The following SMYD3 variants were observed in gnomAD, a reference collection of about 807,000 sequenced individuals.
The protein encoded by SMYD3 is SET and MYND domain containing 3, also known as histone-lysine N-methyltransferase SMYD3.
A neutral mutation model predicts 57.7 loss-of-function variants in SMYD3; 36 were observed. That is an observed-to-expected ratio of 0.62 (90% CI 0.48 to 0.82). The LOEUF is 0.82. Among genes scored for constraint, SMYD3 ranks in the 40% least tolerant of loss-of-function variants. The pLI is 0.00. For missense variants in SMYD3, 515 were observed against 538.8 expected, an observed-to-expected ratio of 0.96 and a Z score of 0.44; for synonymous variants, 211 against 195.0, an observed-to-expected ratio of 1.08 and a Z score of -0.68.
At chr1:245,973,288 T>C (rs543300728) in intron 5 of SMYD3, among the ~76,000 whole-genome samples, 2 of 152,354 alleles carry the variant, frequency 1.3e-5, no homozygotes, top group Admixed American at 6.5e-5. Context: ...TTTGAGGTTA[T>C]AGCAGGAAAG....
At chr1:246,123,939 C>T (rs1436566463) in intron 5 of SMYD3, among the ~76,000 whole-genome samples, 9 of 152,162 alleles carry the variant, frequency 5.9e-5, no homozygotes. Flanking sequence ...ACGCCTCTTA[C>T]AAGTCATGTC....
At chr1:245,814,487 A>G in intron 10 of SMYD3, 1 of 731,664 alleles carries the variant, frequency 1.4e-6, no homozygotes, top group Non-Finnish European at 1.7e-6. Context: ...AAAGAATGCT[A>G]CTGTTACACC....
intron 1 of SMYD3, among the ~76,000 whole-genome samples, chr1:246,418,932 C>T (rs889696642): frequency 1.3e-5 from 2 of 152,146 alleles, no homozygotes; most frequent in African/African-American, 2.4e-5. Context: ...CTGAAAATAG[C>T]CAGTTCCTGC....
At chr1:246,333,711 A>G (rs2065497125) in intron 3 of SMYD3, among the ~76,000 whole-genome samples, 1 of 147,086 alleles carries the variant, frequency 6.8e-6, no homozygotes, top group Non-Finnish European at 1.5e-5. Context: ...TCGTCTTTCC[A>G]AAAAAAAAAG....
chr1:246,506,978 G>GCCCCCCCCCCCCCCCCCCCCCC, intron 1 of SMYD3, 76 bp downstream of exon 1: 6 of 1,174,514 alleles, frequency 5.1e-6, no homozygotes, highest in East Asian at 3.5e-5. Flanking sequence ...CGCGGCTGCC[G>GCCCCCCCCCCCCCCCCCCCCCC]GCCGCCCGAC....
intron 5 of SMYD3, among the ~76,000 whole-genome samples, chr1:246,003,535 G>T (rs1412421936): frequency 6.6e-6 from 1 of 152,140 alleles, no homozygotes; most frequent in Non-Finnish European, 1.5e-5. Context: ...CATACTGAAA[G>T]ATTCCCTCCC....
intron 5 of SMYD3, among the ~76,000 whole-genome samples, chr1:246,088,943 G>A (rs1172261249): frequency 6.6e-6 from 1 of 152,110 alleles, no homozygotes; most frequent in Non-Finnish European, 1.5e-5. Flanking sequence ...TGAATTCATT[G>A]ATTATTGTGT....
At chr1:246,323,878 G>T (rs1023543763) in intron 5 of SMYD3, among the ~76,000 whole-genome samples, 2 of 140,476 alleles carry the variant, frequency 1.4e-5, no homozygotes, top group African/African-American at 5.7e-5. Context: ...TAATTCTAAT[G>T]AAGGTTTAAA....
At chr1:246,380,631 T>G (rs1558434780) in intron 1 of SMYD3, among the ~76,000 whole-genome samples, 1 of 152,212 alleles carries the variant, frequency 6.6e-6, no homozygotes, top group Non-Finnish European at 1.5e-5. Flanking sequence ...AGGTTCTGGA[T>G]ATATAAGGAT....
rs541964524 is a variant in SMYD3 at position 245,812,053 on chromosome 1, T to C, written c.1076+46443A>G. 3.9e-5 allele frequency among the ~76,000 whole-genome samples: 6 copies of C among 152,318 alleles called. No homozygotes were observed. The South Asian group carries it at 6.2e-4, about 16-fold the overall frequency. ...CATTTTCAGGGATATGGAATGTCAT[T>C]CTGGAAGTAGGTGATAATTATGTTC... On this transcript the variant is annotated intron_variant, in intron 10 of 11. Coordinates refer to ENST00000490107, the MANE Select transcript of SMYD3 (RefSeq NM_001167740.2).
At chr1:245,772,915 A>G (rs1482385453) in intron 10 of SMYD3, among the ~76,000 whole-genome samples, 1 of 152,150 alleles carries the variant, frequency 6.6e-6, no homozygotes, top group East Asian at 1.9e-4. Flanking sequence ...TTGAATGACT[A>G]TTTCACAACT....
Position 246,335,381 on chromosome 1 carries a change from C to T in SMYD3, c.322G>A (p.Val108Ile). The change falls in exon 3 of 12, where the codon GTT (valine) becomes ATT (isoleucine). Residue 108 changes from valine to isoleucine, a missense_variant. By Grantham distance (29) the Val-to-Ile change is conservative. Coordinates refer to ENST00000490107, the MANE Select transcript of SMYD3 (RefSeq NM_001167740.2). ...PPDSVRLLGR[V>I]VFKLMDGAPS... ...TTTATACTCACAAGTTTGAAGACAA[C>T]TCTGCCAAGAAGTCGAACGGAGTCT... 4 of 1,614,062 alleles carry T rather than the reference C, an allele frequency of 2.5e-6. No individual in the cohort carries two copies. The highest frequency in any genetic ancestry group is 3.4e-6 in the Non-Finnish European group (4 of 1,179,956).
chr1:246,315,323 A>G (rs2065139722), intron 5 of SMYD3, among the ~76,000 whole-genome samples: 1 of 152,214 alleles, frequency 6.6e-6, no homozygotes, highest in South Asian at 2.1e-4. Context: ...TGGCATAGAA[A>G]ATAACAGTGA....
Position 245,749,375 on chromosome 1 carries a change from T to C in SMYD3, c.*188A>G. ...TCAACCAAATGTTTTGAATTTATTA[T>C]AATCGTGCTTCTCTACAACTAATGA... On this transcript the variant is annotated 3_prime_UTR_variant, in exon 12 of 12. Transcript: ENST00000490107. 1 of 499,220 alleles carries C rather than the reference T, an allele frequency of 2.0e-6. No homozygotes were observed. Among genetic ancestry groups the C allele is most frequent in the Non-Finnish European group, 3.5e-6 (1 of 284,348 alleles). 30.9% of individuals were successfully genotyped at this position (499,220 alleles called of 1,614,324 possible).
chr1:246,449,613 C>T (rs969019666), intron 1 of SMYD3, among the ~76,000 whole-genome samples: 1 of 152,170 alleles, frequency 6.6e-6, no homozygotes, highest in Non-Finnish European at 1.5e-5. Flanking sequence ...CAGCGATTAC[C>T]TGATGCAAGT....
intron 7 of SMYD3, among the ~76,000 whole-genome samples, chr1:245,920,277 C>T (rs1408273399): frequency 6.9e-6 from 1 of 144,428 alleles, no homozygotes; most frequent in Non-Finnish European, 1.5e-5. Flanking sequence ...CATGCCACTG[C>T]ACTCCAGCCT....
At chr1:246,023,950 T>A (rs776821301) in intron 5 of SMYD3, among the ~76,000 whole-genome samples, 4 of 152,134 alleles carry the variant, frequency 2.6e-5, no homozygotes, top group Middle Eastern at 3.4e-3. Context: ...GTTAAAAAAA[T>A]AAAGAATAAA....
chr1:246,368,021 T>C (rs1490256242), intron 1 of SMYD3, among the ~76,000 whole-genome samples: 2 of 152,214 alleles, frequency 1.3e-5, no homozygotes, highest in Non-Finnish European at 2.9e-5. Context: ...CAGTGGTTCA[T>C]GGAGCACAAG....
intron 5 of SMYD3, among the ~76,000 whole-genome samples, chr1:246,190,313 G>A (rs984016943): frequency 5.3e-5 from 8 of 152,178 alleles, no homozygotes; most frequent in East Asian, 3.9e-4. Context: ...GAGGCCGGGC[G>A]CGGTGGCTCA....
Sources: gnomAD v4.1 joint callset for allele counts (sites outside exome capture counted in the v4.1 genomes callset) on GRCh38, gnomAD v4.1.1 for gene constraint, MANE v1.5 for transcripts, NCBI Gene and HGNC (gene_info 2026-07-23, HGNC 2026-07-21) for gene names.